NAALADL2: variants seen among roughly 807,000 people sequenced by gnomAD.
The protein encoded by NAALADL2 is inactive N-acetylated-alpha-linked acidic dipeptidase-like protein 2.
NAALADL2 carries 76 observed loss-of-function variants against 87.2 expected under a neutral mutation model. The ratio of observed to expected loss-of-function variants is 0.87; its 90% CI spans 0.72 to 1.05. The LOEUF (loss-of-function observed/expected upper bound fraction) is 1.05. NAALADL2 is among the 50% of genes least tolerant of loss of function. NAALADL2 has a pLI of 0.00. For synonymous variants in NAALADL2, 354 were observed against 331.0 expected (o/e 1.07, Z -0.75); for missense variants, 1,089 against 945.8 (o/e 1.15, Z -1.99).
chr3:175,338,869 C>T (rs1324167785), intron 5 of NAALADL2, among the ~76,000 whole-genome samples: 1 of 152,064 alleles, frequency 6.6e-6, no homozygotes, highest in Non-Finnish European at 1.5e-5. Flanking sequence ...GAGGCGAGTT[C>T]AAGAAAGTGA....
At chr3:174,709,410 A>G (rs1730412271) in intron 2 of NAALADL2, among the ~76,000 whole-genome samples, 1 of 152,138 alleles carries the variant, frequency 6.6e-6, no homozygotes, top group South Asian at 2.1e-4. Context: ...GGAACTGGCA[A>G]ATGATATAGT....
chr3:174,996,820 A>G lies in NAALADL2; in HGVS notation c.44-99970A>G, dbSNP rs192516210. Among the ~76,000 whole-genome samples the G allele has an allele frequency of 3.2e-3, 489 of 152,098 alleles. 3 individuals are homozygous for G. Among genetic ancestry groups the G allele is most frequent in the Non-Finnish European group, 3.4e-3 (228 of 67,980 alleles). On this transcript the variant is annotated intron_variant, in intron 1 of 13. Coordinates refer to ENST00000454872, the MANE Select transcript of NAALADL2 (RefSeq NM_207015.3). ...TTTTCCCTCCAAGTCCCCAAAGTTT[A>G]TTATGTTATTCTTATGCCTTTGTGT...
At chr3:174,638,183 T>C (rs1241218854) in intron 2 of NAALADL2, among the ~76,000 whole-genome samples, 1 of 152,210 alleles carries the variant, frequency 6.6e-6, no homozygotes, top group Non-Finnish European at 1.5e-5. Flanking sequence ...TATTGTCTTA[T>C]TGTAATCACA....
intron 11 of NAALADL2, among the ~76,000 whole-genome samples, chr3:175,731,045 G>A (rs1035190518): frequency 4.6e-5 from 7 of 152,146 alleles, no homozygotes; most frequent in Non-Finnish European, 1.0e-4. Flanking sequence ...GTAGTAGAGT[G>A]GAAAGAACAG....
intron 9 of NAALADL2, among the ~76,000 whole-genome samples, chr3:175,558,147 A>ATCACGCC (rs1275387509): frequency 6.7e-6 from 1 of 148,852 alleles, no homozygotes; most frequent in Non-Finnish European, 1.5e-5. Flanking sequence ...GTGAGCTGAG[A>ATCACGCC]TCACGCCACT....
At chr3:175,045,624 G>A (rs920930726) in intron 1 of NAALADL2, among the ~76,000 whole-genome samples, 1 of 152,162 alleles carries the variant, frequency 6.6e-6, no homozygotes, top group Non-Finnish European at 1.5e-5. Flanking sequence ...ATTACTCACA[G>A]TATAGCGGCC....
chr3:174,828,990 T>A (rs1315581860), intron 3 of NAALADL2, among the ~76,000 whole-genome samples: 1 of 152,222 alleles, frequency 6.6e-6, no homozygotes, highest in Non-Finnish European at 1.5e-5. Flanking sequence ...TGTTAATCAT[T>A]AAAATACTCA....
rs145951929 is a variant in NAALADL2, at chr3:174,697,490, TC to T, written c.-114-40150del. Among the ~76,000 whole-genome samples the T allele has an allele frequency of 9.5e-3, 1,447 of 152,258 alleles. 23 individuals are homozygous for T. Among genetic ancestry groups the T allele is most frequent in the African/African-American group, 0.033 (1,370 of 41,542 alleles). On this transcript the variant is annotated intron_variant, in intron 2 of 3. Transcript: ENST00000434257. ...GCTTCCTGAAAGGTTGAAGGATGCT[TC>T]TTTTTTCACACACAATAAACAGGCT...
At chr3:174,847,428 C>A (rs534130131) in intron 3 of NAALADL2, among the ~76,000 whole-genome samples, 1 of 152,262 alleles carries the variant, frequency 6.6e-6, no homozygotes, top group South Asian at 2.1e-4. Context: ...CTTTATCACT[C>A]TTATCCTATT....
chr3:175,066,060 T>C (rs1049925229), intron 1 of NAALADL2, among the ~76,000 whole-genome samples: 2 of 152,128 alleles, frequency 1.3e-5, no homozygotes, highest in Non-Finnish European at 2.9e-5. Context: ...AGTGTCTGTA[T>C]TCACTGCACT....
intron 5 of NAALADL2, among the ~76,000 whole-genome samples, chr3:175,410,951 A>G (rs1037554709): frequency 3.3e-5 from 5 of 152,208 alleles, no homozygotes; most frequent in African/African-American, 9.6e-5. Flanking sequence ...CACAATAAGA[A>G]GCCATTGAAA....
chr3:175,639,710 T>TAAA (rs963532501), intron 11 of NAALADL2, among the ~76,000 whole-genome samples: 2 of 152,154 alleles, frequency 1.3e-5, no homozygotes, highest in African/African-American at 4.8e-5. Flanking sequence ...TTTTTTATTT[T>TAAA]AAAAAAATCA....
At chr3:175,016,259 T>TATA (rs1703203508) in intron 1 of NAALADL2, among the ~76,000 whole-genome samples, 3 of 118,994 alleles carry the variant, frequency 2.5e-5, no homozygotes, top group Non-Finnish European at 5.3e-5. Context: ...GATAAATTAT[T>TATA]TATATATATA....
intron 1 of NAALADL2, among the ~76,000 whole-genome samples, chr3:174,903,428 A>C (rs1732543243): frequency 6.6e-6 from 1 of 152,020 alleles, no homozygotes. Flanking sequence ...GAAGGCTTGG[A>C]ATGGAGAAGG....
chr3:174,625,800 G>T (rs1360200958), intron 2 of NAALADL2, among the ~76,000 whole-genome samples: 3 of 151,868 alleles, frequency 2.0e-5, no homozygotes, highest in Non-Finnish European at 4.4e-5. Context: ...AAGTGATGCA[G>T]AACTATATAT....
chr3:174,721,165 G>A (rs34944322), intron 2 of NAALADL2, among the ~76,000 whole-genome samples: 7,318 of 152,114 alleles, frequency 0.048, 232 homozygotes, highest in Middle Eastern at 0.088. Flanking sequence ...ATGTGAAATA[G>A]GCTGTAACTT....
At chr3:175,448,315 CTGTTT>C (rs926273755) in intron 6 of NAALADL2, among the ~76,000 whole-genome samples, 3 of 152,160 alleles carry the variant, frequency 2.0e-5, no homozygotes, top group Admixed American at 1.3e-4. Flanking sequence ...GAGGAGCTTT[CTGTTT>C]TGTTTTGTTT....
At chr3:175,289,288 C>T (rs997865235) in intron 4 of NAALADL2, among the ~76,000 whole-genome samples, 10 of 152,006 alleles carry the variant, frequency 6.6e-5, no homozygotes, top group African/African-American at 2.4e-4. Context: ...TAAAAATAAA[C>T]TTAAATTTGG....
intron 4 of NAALADL2, among the ~76,000 whole-genome samples, chr3:175,293,203 G>C (rs2110160115): frequency 6.6e-6 from 1 of 152,206 alleles, no homozygotes; most frequent in Non-Finnish European, 1.5e-5. Context: ...AAGTAGACAG[G>C]CTTTGCAGAA....
Sources: gnomAD v4.1 joint callset for allele counts (sites outside exome capture counted in the v4.1 genomes callset) on GRCh38, gnomAD v4.1.1 for gene constraint, MANE v1.5 for transcripts, NCBI Gene and HGNC (gene_info 2026-07-23, HGNC 2026-07-21) for gene names.